Variants in SERPINI1 observed in about 807,000 individuals in gnomAD.
SERPINI1 encodes neuroserpin.
A neutral mutation model predicts 41.1 loss-of-function variants in SERPINI1; 19 were observed. That is an observed-to-expected ratio of 0.46 (90% CI 0.32 to 0.68). The LOEUF is 0.68. Ranked by LOEUF, SERPINI1 falls within the 30% of genes least tolerant of loss-of-function variation. The pLI is 0.03. For missense variants in SERPINI1, 460 were observed against 479.2 expected (o/e 0.96, Z 0.37); for synonymous variants, 138 against 156.6 (o/e 0.88, Z 0.89).
intron 4 of SERPINI1, 80 bp downstream of exon 4, chr3:167,792,864 T>C: frequency 8.2e-7 from 1 of 1,218,214 alleles, no homozygotes; most frequent in Non-Finnish European, 1.2e-6. Context: ...GCATTCATAT[T>C]CAAACTCCTT....
In SERPINI1 at chr3:167,792,658, G is replaced by C. The variant is rs1251944420; in HGVS notation, c.550G>C (p.Val184Leu). 6.2e-7 allele frequency: 1 copy of C among 1,613,732 alleles called. No homozygotes were observed. Among genetic ancestry groups the C allele is most frequent in the South Asian group, 1.1e-5 (1 of 91,072 alleles). ...AATYLALINA[V>L]YFKGNWKSQF... ...CACTTATCTGGCCCTCATTAATGCTGTCTATTTCAAGGGGAACTGGAAGTC... is the reference window on the plus strand; with the variant it reads ...CACTTATCTGGCCCTCATTAATGCTCTCTATTTCAAGGGGAACTGGAAGTC... The change falls in exon 4 of 9, where the codon GTC (valine) becomes CTC (leucine). Residue 184 changes from valine (V) to leucine (L), a missense_variant. Transcript: ENST00000446050.
At chr3:167,792,077 A>G (rs1727538239) in intron 3 of SERPINI1, among the ~76,000 whole-genome samples, 1 of 152,178 alleles carries the variant, frequency 6.6e-6, no homozygotes, top group Admixed American at 6.5e-5. Flanking sequence ...GTGAGCAGAG[A>G]TCATACCATT....
intron 6 of SERPINI1, 54 bp downstream of exon 6, chr3:167,807,395 A>G: frequency 1.2e-5 from 14 of 1,138,738 alleles, no homozygotes; most frequent in Non-Finnish European, 1.9e-5. Flanking sequence ...GCTTTATTAA[A>G]TGATGATATT....
intron 5 of SERPINI1, among the ~76,000 whole-genome samples, chr3:167,805,260 T>C (rs1359493571): frequency 6.6e-6 from 1 of 152,220 alleles, no homozygotes; most frequent in Non-Finnish European, 1.5e-5. Context: ...TGAGATGGTA[T>C]CTCATTGTGG....
chr3:167,754,243 T>C (rs1559996114), intron 1 of SERPINI1, among the ~76,000 whole-genome samples: 1 of 152,110 alleles, frequency 6.6e-6, no homozygotes. Flanking sequence ...ATCCCAGAAA[T>C]AGGGGAAGTG....
intron 1 of SERPINI1, among the ~76,000 whole-genome samples, chr3:167,751,512 G>A (rs1049734105): frequency 2.0e-5 from 3 of 152,086 alleles, no homozygotes; most frequent in East Asian, 3.8e-4. Context: ...TCCTTTAAAT[G>A]TTTTCTCCAC....
intron 1 of SERPINI1, among the ~76,000 whole-genome samples, chr3:167,750,179 T>C (rs971548878): frequency 6.6e-6 from 1 of 152,174 alleles, no homozygotes; most frequent in Non-Finnish European, 1.5e-5. Context: ...TTCAGAGAAA[T>C]TAAAGAAACC....
intron 1 of SERPINI1, among the ~76,000 whole-genome samples, chr3:167,750,351 A>G (rs1412924608): frequency 6.6e-6 from 1 of 152,232 alleles, no homozygotes; most frequent in Non-Finnish European, 1.5e-5. Flanking sequence ...AAGCTCTATG[A>G]GAAATATTTT....
intron 6 of SERPINI1, among the ~76,000 whole-genome samples, chr3:167,808,172 A>G (rs1266072398): frequency 6.6e-6 from 1 of 151,494 alleles, no homozygotes; most frequent in Non-Finnish European, 1.5e-5. Flanking sequence ...AGTGGTTTTA[A>G]AGAAGTAACT....
At chr3:167,782,314 G>A (rs142766270) in intron 1 of SERPINI1, among the ~76,000 whole-genome samples, 1,534 of 152,172 alleles carry the variant, frequency 0.01, 15 homozygotes, top group Non-Finnish European at 0.016. Context: ...ATTATATTAC[G>A]TGTCCAGTCA....
At chr3:167,784,525 G>T (rs1458234499) in intron 1 of SERPINI1, among the ~76,000 whole-genome samples, 1 of 152,152 alleles carries the variant, frequency 6.6e-6, no homozygotes, top group African/African-American at 2.4e-5. Flanking sequence ...AAGGAAAGAG[G>T]TTTAATTGAC....
intron 1 of SERPINI1, among the ~76,000 whole-genome samples, chr3:167,746,076 T>G (rs953831373): frequency 9.9e-5 from 15 of 152,212 alleles, no homozygotes; most frequent in South Asian, 4.1e-4. Context: ...CACATAGAAA[T>G]GCAAGGAACC....
At chr3:167,748,211 GA>G (rs900923026) in intron 1 of SERPINI1, among the ~76,000 whole-genome samples, 25 of 150,158 alleles carry the variant, frequency 1.7e-4, no homozygotes, top group Non-Finnish European at 2.1e-4. Context: ...ATACTGGATA[GA>G]AAAAAAAAGT....
chr3:167,738,009 C>T (rs1408022536), intron 1 of SERPINI1, among the ~76,000 whole-genome samples: 2 of 151,934 alleles, frequency 1.3e-5, no homozygotes, highest in Non-Finnish European at 2.9e-5. Flanking sequence ...AAATATATGG[C>T]ATTTATTTTT....
chr3:167,756,897 G>C (rs1052631107), intron 1 of SERPINI1, among the ~76,000 whole-genome samples: 2 of 152,106 alleles, frequency 1.3e-5, no homozygotes, highest in Admixed American at 1.3e-4. Context: ...CTGACTCTTC[G>C]TTATGTCACA....
At chr3:167,822,245 A>G (rs944286172) in intron 6 of SERPINI1, among the ~76,000 whole-genome samples, 1 of 152,192 alleles carries the variant, frequency 6.6e-6, no homozygotes, top group Admixed American at 6.5e-5. Flanking sequence ...CCTCATTTAA[A>G]TTTAAAATTC....
chr3:167,766,516 G>C (rs1326630732), intron 1 of SERPINI1, among the ~76,000 whole-genome samples: 1 of 152,208 alleles, frequency 6.6e-6, no homozygotes, highest in East Asian at 1.9e-4. Context: ...CTTGAGATTT[G>C]GGTGGGGACA....
chr3:167,760,717 C>G (rs1221961191), intron 1 of SERPINI1, among the ~76,000 whole-genome samples: 1 of 152,048 alleles, frequency 6.6e-6, no homozygotes, highest in Non-Finnish European at 1.5e-5. Flanking sequence ...ATTCAGATTA[C>G]CTGAACTTGT....
chr3:167,774,295 G>T (rs1387956714), intron 1 of SERPINI1, among the ~76,000 whole-genome samples: 1 of 152,080 alleles, frequency 6.6e-6, no homozygotes, highest in East Asian at 1.9e-4. Context: ...GTTAATATTA[G>T]TATTCTTCCT....
Sources: gnomAD v4.1 joint callset for allele counts (sites outside exome capture counted in the v4.1 genomes callset) on GRCh38, gnomAD v4.1.1 for gene constraint, MANE v1.5 for transcripts, NCBI Gene and HGNC (gene_info 2026-07-23, HGNC 2026-07-21) for gene names.